SAMD12: variants seen among roughly 807,000 people sequenced by gnomAD.
SAMD12 encodes the protein sterile alpha motif domain-containing protein 12.
A neutral mutation model predicts 15.0 loss-of-function variants in SAMD12; 9 were observed. The observed-to-expected ratio is 0.60, with a 90% CI of 0.36 to 1.05. The LOEUF (loss-of-function observed/expected upper bound fraction) is 1.05, where lower values mean the gene tolerates loss of function less well. Among genes scored for constraint, SAMD12 ranks in the 50% least tolerant of loss-of-function variants. The pLI is 0.01. For missense variants in SAMD12, 230 were observed against 234.2 expected (o/e 0.98, Z 0.12); for synonymous variants, 86 against 90.1 (o/e 0.96, Z 0.25).
At chr8:118,614,397 G>A (rs1012334756) in intron 1 of SAMD12, among the ~76,000 whole-genome samples, 16 of 152,290 alleles carry the variant, frequency 1.1e-4, no homozygotes, top group South Asian at 8.3e-4. Flanking sequence ...GGTCCTGTGC[G>A]GAGCTGGGGT....
intron 4 of SAMD12, among the ~76,000 whole-genome samples, chr8:118,304,759 CATAA>C (rs55985938): frequency 0.054 from 7,695 of 141,574 alleles, 342 homozygotes; most frequent in East Asian, 0.25. Context: ...GACTCCATCT[CATAA>C]ATAAATAAAT....
At chr8:118,142,257 G>T in the SAMD12 span, among the ~76,000 whole-genome samples, 4 of 152,226 alleles carry the variant, frequency 2.6e-5, no homozygotes, top group Middle Eastern at 0.014. Flanking sequence ...AAACCGAAAT[G>T]ACATTAACCT....
the SAMD12 span, among the ~76,000 whole-genome samples, chr8:118,172,787 C>T: frequency 1.3e-5 from 2 of 152,098 alleles, no homozygotes; most frequent in African/African-American, 4.8e-5. Context: ...TCCTTTTTGA[C>T]AATTTTTCTG....
At chr8:118,545,571 T>A (rs1365730039) in intron 2 of SAMD12, among the ~76,000 whole-genome samples, 1 of 152,208 alleles carries the variant, frequency 6.6e-6, no homozygotes, top group Non-Finnish European at 1.5e-5. Context: ...GGGTATCTAC[T>A]TCTTCAAAAC....
chr8:118,337,397 T>A (rs986775385), intron 4 of SAMD12, among the ~76,000 whole-genome samples: 2 of 152,164 alleles, frequency 1.3e-5, no homozygotes, highest in African/African-American at 4.8e-5. Flanking sequence ...AAGCATGCTA[T>A]CTTGTCATGC....
intron 3 of SAMD12, among the ~76,000 whole-genome samples, chr8:118,400,794 C>G (rs1219553383): frequency 6.6e-6 from 1 of 152,114 alleles, no homozygotes; most frequent in African/African-American, 2.4e-5. Flanking sequence ...CGCCAGGAGA[C>G]AGCCTTTGTC....
intron 4 of SAMD12, among the ~76,000 whole-genome samples, chr8:118,242,027 C>T (rs189618457): frequency 7.2e-5 from 11 of 152,280 alleles, no homozygotes; most frequent in African/African-American, 2.2e-4. Flanking sequence ...ATCCTCCCAC[C>T]TCAGCCTCCC....
chr8:118,382,436 T>C (rs947224136), intron 3 of SAMD12, among the ~76,000 whole-genome samples: 2 of 152,218 alleles, frequency 1.3e-5, no homozygotes, highest in African/African-American at 4.8e-5. Context: ...TGTAAACCTG[T>C]AGCCCCAGCC....
At chr8:118,456,549 G>A (rs924459461) in intron 2 of SAMD12, among the ~76,000 whole-genome samples, 2 of 152,176 alleles carry the variant, frequency 1.3e-5, no homozygotes, top group Admixed American at 6.5e-5. Flanking sequence ...TTCTAGAAGC[G>A]AGAGTACAGA....
At chr8:118,564,724 G>A (rs900860513) in intron 2 of SAMD12, among the ~76,000 whole-genome samples, 1 of 152,200 alleles carries the variant, frequency 6.6e-6, no homozygotes, top group Non-Finnish European at 1.5e-5. Context: ...GATTAATCTA[G>A]TTAGGCTACA....
At chr8:118,572,825 T>C (rs1445180348) in intron 2 of SAMD12, among the ~76,000 whole-genome samples, 2 of 151,982 alleles carry the variant, frequency 1.3e-5, no homozygotes, top group African/African-American at 4.8e-5. Context: ...TTTGGCTGTT[T>C]CCCCACCCAA....
chr8:118,420,244 G>C (rs746227048), intron 3 of SAMD12, among the ~76,000 whole-genome samples: 5 of 152,188 alleles, frequency 3.3e-5, no homozygotes, highest in Non-Finnish European at 7.3e-5. Context: ...TTGATGTGGA[G>C]ATGGAAGGTT....
chr8:118,534,818 G>A (rs1394227684), intron 2 of SAMD12, among the ~76,000 whole-genome samples: 1 of 152,090 alleles, frequency 6.6e-6, no homozygotes. Flanking sequence ...TCTTCTCTAT[G>A]CCGTTTTTCT....
intron 2 of SAMD12, among the ~76,000 whole-genome samples, chr8:118,539,906 T>C (rs1825943407): frequency 6.6e-6 from 1 of 152,042 alleles, no homozygotes; most frequent in South Asian, 2.1e-4. Context: ...GGGTTTCTAA[T>C]GACTTTCTGG....
At chr8:118,396,420 A>G (rs1049023968) in intron 3 of SAMD12, among the ~76,000 whole-genome samples, 6 of 152,202 alleles carry the variant, frequency 3.9e-5, no homozygotes, top group Admixed American at 3.9e-4. Context: ...ATTATAATAT[A>G]ATCATGAATA....
intron 2 of SAMD12, among the ~76,000 whole-genome samples, chr8:118,459,222 C>G (rs11784138): frequency 0.44 from 67,273 of 151,840 alleles, 17,298 homozygotes; most frequent in South Asian, 0.58. Context: ...CCTGCTACCA[C>G]ACTTGGCTAC....
chr8:118,278,852 T>A (rs1813535282), intron 4 of SAMD12, among the ~76,000 whole-genome samples: 1 of 152,206 alleles, frequency 6.6e-6, no homozygotes, highest in South Asian at 2.1e-4. Flanking sequence ...ATTGTTTCCA[T>A]TACACGTAGC....
At chr8:118,547,733 A>G (rs373539817) in intron 2 of SAMD12, among the ~76,000 whole-genome samples, 1 of 152,214 alleles carries the variant, frequency 6.6e-6, no homozygotes, top group Non-Finnish European at 1.5e-5. Context: ...ACTTTTTTCT[A>G]TACCATATAA....
chr8:118,589,863 A>C (rs559986137), intron 1 of SAMD12, among the ~76,000 whole-genome samples: 2 of 152,338 alleles, frequency 1.3e-5, no homozygotes, highest in South Asian at 4.1e-4. Context: ...TAAATAAAGT[A>C]GTTCCTCTTG....
Sources: gnomAD v4.1 joint callset for allele counts (sites outside exome capture counted in the v4.1 genomes callset) on GRCh38, gnomAD v4.1.1 for gene constraint, MANE v1.5 for transcripts, NCBI Gene and HGNC (gene_info 2026-07-23, HGNC 2026-07-21) for gene names.